The following DIAPH3 variants were observed in gnomAD, a reference collection of about 807,000 sequenced individuals.
DIAPH3 encodes the protein protein diaphanous homolog 3.
DIAPH3 carries 117 observed loss-of-function variants against 144.3 expected under a neutral mutation model. The ratio of observed to expected loss-of-function variants is 0.81; its 90% CI spans 0.70 to 0.95. The LOEUF (loss-of-function observed/expected upper bound fraction) is 0.95, where lower values mean the gene tolerates loss of function less well. Ranked by LOEUF, DIAPH3 falls within the 40% of genes least tolerant of loss-of-function variation. The pLI, the probability that DIAPH3 is intolerant of heterozygous loss-of-function variation, is 0.00. For synonymous variants in DIAPH3, 519 were observed against 488.9 expected (o/e 1.06, Z -0.81); for missense variants, 1,421 against 1,412.7 (o/e 1.01, Z -0.09).
At chr13:59,685,448 C>A (rs2033164795) in intron 27 of DIAPH3, among the ~76,000 whole-genome samples, 2 of 152,194 alleles carry the variant, frequency 1.3e-5, no homozygotes, top group South Asian at 4.1e-4. Context: ...AAATATAGGT[C>A]TCAAAGAAGC....
intron 20 of DIAPH3, among the ~76,000 whole-genome samples, chr13:59,905,342 C>CAAAA (rs59114311): frequency 2.9e-5 from 2 of 69,754 alleles, no homozygotes; most frequent in African/African-American, 7.5e-5. Flanking sequence ...GACTCTGTCT[C>CAAAA]AAAAAAAAAA....
At chr13:60,116,264 G>T (rs2058700600) in intron 2 of DIAPH3, among the ~76,000 whole-genome samples, 1 of 152,028 alleles carries the variant, frequency 6.6e-6, no homozygotes, top group African/African-American at 2.4e-5. Context: ...AATGTAGGAG[G>T]TATGTGAAAT....
intron 27 of DIAPH3, among the ~76,000 whole-genome samples, chr13:59,763,872 C>T (rs1459751474): frequency 6.6e-6 from 1 of 151,940 alleles, no homozygotes; most frequent in Non-Finnish European, 1.5e-5. Context: ...TAAGAGTAAA[C>T]ATTTTGTGTG....
In DIAPH3 at chr13:59,897,643, G is replaced by A. The variant is rs576728505; in HGVS notation, c.2367+14092C>T. Among the ~76,000 whole-genome samples the A allele has an allele frequency of 2.0e-5, 3 of 151,966 alleles. No homozygotes were observed. The South Asian group carries it at 6.3e-4, about 32-fold the overall frequency. On this transcript the variant is annotated intron_variant, in intron 20 of 27. Coordinates refer to ENST00000400324, the MANE Select transcript of DIAPH3 (RefSeq NM_001042517.2). ...TGCACCTGTAATTGCAGCTACTCGT[G>A]AGGCTGAGGCAAGAGAATCGTTTGA...
At chr13:60,064,027 T>G (rs1268296798) in intron 4 of DIAPH3, among the ~76,000 whole-genome samples, 1 of 152,188 alleles carries the variant, frequency 6.6e-6, no homozygotes, top group African/African-American at 2.4e-5. Flanking sequence ...TAAAGAATAT[T>G]TTTTCTGAAT....
intron 4 of DIAPH3, among the ~76,000 whole-genome samples, chr13:60,045,584 G>A (rs2141216831): frequency 6.6e-6 from 1 of 152,198 alleles, no homozygotes; most frequent in South Asian, 2.1e-4. Flanking sequence ...ATTAGTCCCT[G>A]GCTCTTGGGC....
chr13:59,707,252 C>A lies in DIAPH3; in HGVS notation c.3320-40406G>T, dbSNP rs995434987. 2.0e-5 allele frequency among the ~76,000 whole-genome samples: 3 copies of A among 152,066 alleles called. No homozygotes were observed. In the South Asian group the frequency reaches 6.2e-4, roughly 32 times the overall value. ...GACAATTTCCCTCAAGAGAACAATA[C>A]CTTGAGGGGAAAAGCAATTAGAATA... On this transcript the variant is annotated intron_variant, in intron 27 of 27. Transcript: ENST00000400324.
At chr13:60,088,874 G>A (rs543298396) in intron 4 of DIAPH3, among the ~76,000 whole-genome samples, 7 of 152,162 alleles carry the variant, frequency 4.6e-5, no homozygotes, top group African/African-American at 7.2e-5. Flanking sequence ...CACCCGCCTC[G>A]GCCTCCCAAA....
chr13:59,883,320 CTTTG>C (rs980017562), intron 20 of DIAPH3, among the ~76,000 whole-genome samples: 2 of 152,280 alleles, frequency 1.3e-5, no homozygotes, highest in South Asian at 2.1e-4. Flanking sequence ...TTTACATCAA[CTTTG>C]TTTAACACCA....
chr13:60,086,447 CT>C (rs2057750354), intron 4 of DIAPH3, among the ~76,000 whole-genome samples: 1 of 152,084 alleles, frequency 6.6e-6, no homozygotes, highest in South Asian at 2.1e-4. Flanking sequence ...AAATTTTCTG[CT>C]AGTCAGCAAG....
At chr13:59,951,256 TG>T (rs1950220935) in intron 17 of DIAPH3, among the ~76,000 whole-genome samples, 2 of 152,074 alleles carry the variant, frequency 1.3e-5, no homozygotes, top group South Asian at 4.2e-4. Context: ...CAAGGTCTGA[TG>T]GTTTTATAAA....
chr13:60,104,715 G>A (rs2058360910), intron 3 of DIAPH3, among the ~76,000 whole-genome samples: 1 of 152,158 alleles, frequency 6.6e-6, no homozygotes, highest in Non-Finnish European at 1.5e-5. Flanking sequence ...ATTCTGGAAT[G>A]TAACCTTGCC....
intron 18 of DIAPH3, among the ~76,000 whole-genome samples, chr13:59,919,325 T>G (rs2047400050): frequency 6.6e-6 from 1 of 152,072 alleles, no homozygotes. Flanking sequence ...GTAAAAGGTG[T>G]CTAGTATGAT....
At chr13:60,015,114 G>A (rs545249005) in intron 7 of DIAPH3, among the ~76,000 whole-genome samples, 50 of 152,208 alleles carry the variant, frequency 3.3e-4, no homozygotes, top group African/African-American at 1.2e-3. Flanking sequence ...TTTCATCTCA[G>A]CCTCCTGAGT....
At chr13:60,159,905 T>C (rs2138475774) in intron 1 of DIAPH3, among the ~76,000 whole-genome samples, 1 of 152,166 alleles carries the variant, frequency 6.6e-6, no homozygotes, top group East Asian at 1.9e-4. Flanking sequence ...ATGGTAAATA[T>C]ACAGAAATTA....
intron 5 of DIAPH3, among the ~76,000 whole-genome samples, chr13:60,040,393 C>A (rs902334036): frequency 2.6e-5 from 4 of 151,892 alleles, no homozygotes; most frequent in Admixed American, 2.6e-4. Context: ...TAGAATTGTC[C>A]ATCCTTAGAG....
At chr13:59,732,755 G>GAT (rs564818354) in intron 27 of DIAPH3, among the ~76,000 whole-genome samples, 24 of 151,908 alleles carry the variant, frequency 1.6e-4, no homozygotes, top group South Asian at 1.0e-3. Flanking sequence ...TGGCCTGATA[G>GAT]ATATATATAT....
At chr13:59,712,398 A>G (rs2138839158) in intron 27 of DIAPH3, among the ~76,000 whole-genome samples, 1 of 152,342 alleles carries the variant, frequency 6.6e-6, no homozygotes, top group South Asian at 2.1e-4. Context: ...CTCAAGAGCC[A>G]TATGTTTTAT....
At chr13:60,149,734 C>T (rs1951696971) in intron 1 of DIAPH3, among the ~76,000 whole-genome samples, 1 of 121,040 alleles carries the variant, frequency 8.3e-6, no homozygotes, top group Non-Finnish European at 1.6e-5. Context: ...GCCTGGGTGA[C>T]AGAGTGAGAC....
Sources: gnomAD v4.1 joint callset for allele counts (sites outside exome capture counted in the v4.1 genomes callset) on GRCh38, gnomAD v4.1.1 for gene constraint, MANE v1.5 for transcripts, NCBI Gene and HGNC (gene_info 2026-07-23, HGNC 2026-07-21) for gene names.